Variants in SDK1 observed in about 807,000 individuals in gnomAD.
SDK1 encodes protein sidekick-1.
A neutral mutation model predicts 245.5 loss-of-function variants in SDK1; 157 were observed. That is an observed-to-expected ratio of 0.64 (90% CI 0.56 to 0.73). The LOEUF is 0.73. Ranked by LOEUF, SDK1 falls within the 30% of genes least tolerant of loss-of-function variation. The pLI, the probability that SDK1 is intolerant of heterozygous loss-of-function variation, is 0.00. For synonymous variants in SDK1, 1,647 were observed against 1,278.5 expected, an observed-to-expected ratio of 1.29 and a Z score of -6.15; for missense variants, 3,583 against 3,002.3, an observed-to-expected ratio of 1.19 and a Z score of -4.52.
chr7:3,323,104 G>C (rs1779857454), intron 1 of SDK1, among the ~76,000 whole-genome samples: 1 of 152,088 alleles, frequency 6.6e-6, no homozygotes, highest in African/African-American at 2.4e-5. Flanking sequence ...ACCAGACCAG[G>C]TTTTGCCCTT....
chr7:3,973,984 C>T (rs182421101), intron 12 of SDK1, among the ~76,000 whole-genome samples: 1 of 151,938 alleles, frequency 6.6e-6, no homozygotes, highest in African/African-American at 2.4e-5. Context: ...GAGTTTGAGA[C>T]TAGCCTGGGC....
At chr7:3,960,553 T>A (rs1433215815) in intron 8 of SDK1, among the ~76,000 whole-genome samples, 1 of 152,120 alleles carries the variant, frequency 6.6e-6, no homozygotes, top group Non-Finnish European at 1.5e-5. Context: ...GTCCTGGTGG[T>A]AGAGGGAAAG....
chr7:3,600,064 G>A (rs1437896085), intron 1 of SDK1, among the ~76,000 whole-genome samples: 2 of 152,102 alleles, frequency 1.3e-5, no homozygotes, highest in African/African-American at 2.4e-5. Context: ...TATGGACATG[G>A]TGTGTCTCCT....
intron 1 of SDK1, among the ~76,000 whole-genome samples, chr7:3,371,071 A>G (rs914882046): frequency 6.6e-6 from 1 of 152,210 alleles, no homozygotes; most frequent in South Asian, 2.1e-4. Flanking sequence ...CGTGTACAAC[A>G]TATGATACAT....
chr7:3,932,133 G>A (rs1314812330), intron 5 of SDK1, among the ~76,000 whole-genome samples: 2 of 152,102 alleles, frequency 1.3e-5, no homozygotes, highest in Non-Finnish European at 2.9e-5. Context: ...ATGGAATTAG[G>A]ACTTCATTTT....
rs141528956 is a variant in SDK1 at position 3,596,882 on chromosome 7, G to A, written c.299-22198G>A. Among the ~76,000 whole-genome samples the A allele has an allele frequency of 3.7e-3, 560 of 152,210 alleles. 14 individuals carry two copies. The highest frequency in any genetic ancestry group is 0.034 in the Admixed American group (524 of 15,300). ...CATAAAAGATAGAAGTGAGGTACAG[G>A]TACAGAAACAGCTAGATTGGTTACA... On this transcript the variant is annotated intron_variant, in intron 1 of 44. Coordinates refer to ENST00000404826, the MANE Select transcript of SDK1 (RefSeq NM_152744.4).
At chr7:3,800,372 T>TATTTATTTATTC (rs1779077470) in intron 4 of SDK1, among the ~76,000 whole-genome samples, 1 of 148,598 alleles carries the variant, frequency 6.7e-6, no homozygotes, top group Non-Finnish European at 1.5e-5. Context: ...CTTACTTACT[T>TATTTATTTATTC]ATTTATTTAT....
chr7:3,699,790 T>C (rs138098624), intron 4 of SDK1, among the ~76,000 whole-genome samples: 1 of 152,268 alleles, frequency 6.6e-6, no homozygotes, highest in East Asian at 1.9e-4. Context: ...TGAAGAATTG[T>C]TCAAAGAAAT....
intron 4 of SDK1, among the ~76,000 whole-genome samples, chr7:3,789,943 C>T (rs901296741): frequency 2.6e-5 from 4 of 152,104 alleles, no homozygotes; most frequent in Non-Finnish European, 5.9e-5. Flanking sequence ...GGGCAAGTGG[C>T]AGGAGTGGTG....
intron 1 of SDK1, among the ~76,000 whole-genome samples, chr7:3,346,870 T>G (rs1780522449): frequency 7.4e-6 from 1 of 135,154 alleles, no homozygotes; most frequent in East Asian, 2.2e-4. Context: ...AGTGTTTTGC[T>G]ATGTTGCCCA....
chr7:3,541,911 TAAGAG>T (rs1266327236), intron 1 of SDK1, among the ~76,000 whole-genome samples: 6 of 152,226 alleles, frequency 3.9e-5, no homozygotes, highest in Non-Finnish European at 5.9e-5. Context: ...TAAAATTCTT[TAAGAG>T]AAGAAGGACT....
intron 42 of SDK1, among the ~76,000 whole-genome samples, chr7:4,241,401 G>A (rs1280119681): frequency 1.3e-5 from 2 of 152,126 alleles, no homozygotes; most frequent in Admixed American, 1.3e-4. Flanking sequence ...TTGAGAGGCC[G>A]AGGTGGAAGG....
In SDK1 at chr7:3,328,773, T is replaced by C. The variant is rs557775369; in HGVS notation, c.298+26889T>C. Among the ~76,000 whole-genome samples the C allele has an allele frequency of 3.3e-5, 5 of 152,288 alleles. No individual in the cohort carries two copies. The East Asian group carries it at 9.6e-4, about 29-fold the overall frequency. On this transcript the variant is annotated intron_variant, in intron 1 of 44. Coordinates refer to ENST00000404826, the MANE Select transcript of SDK1 (RefSeq NM_152744.4). ...ACACATAGATCTATTCTCCTTTTAGTGACTGAAGTATTCCACATGGACTAT... is the reference window on the plus strand; with the variant it reads ...ACACATAGATCTATTCTCCTTTTAGCGACTGAAGTATTCCACATGGACTAT...
intron 1 of SDK1, among the ~76,000 whole-genome samples, chr7:3,562,467 G>T (rs1168305586): frequency 6.6e-6 from 1 of 152,096 alleles, no homozygotes; most frequent in Non-Finnish European, 1.5e-5. Context: ...AAGCTAGAGG[G>T]ATGCATGGGT....
At chr7:3,944,781 G>A (rs571834454) in intron 5 of SDK1, among the ~76,000 whole-genome samples, 1 of 152,290 alleles carries the variant, frequency 6.6e-6, no homozygotes, top group Admixed American at 6.5e-5. Context: ...CAAAAAGAAA[G>A]GGAGAGGAGC....
intron 14 of SDK1, among the ~76,000 whole-genome samples, chr7:4,002,273 C>T (rs61469309): frequency 0.29 from 44,398 of 152,064 alleles, 6,886 homozygotes; most frequent in African/African-American, 0.39. Context: ...TGGCTCAGAG[C>T]AGGAGTGGGT....
At chr7:3,395,946 AC>A (rs1414440036) in intron 1 of SDK1, among the ~76,000 whole-genome samples, 1 of 151,562 alleles carries the variant, frequency 6.6e-6, no homozygotes, top group Non-Finnish European at 1.5e-5. Context: ...TTTCTGTTTT[AC>A]ATTTCTTTAA....
At chr7:4,057,101 G>A (rs576448609) in intron 19 of SDK1, among the ~76,000 whole-genome samples, 60 of 152,302 alleles carry the variant, frequency 3.9e-4, no homozygotes, top group Non-Finnish European at 5.6e-4. Context: ...TGCCACCTGG[G>A]TCTGAAGCAC....
At chr7:3,699,406 C>T (rs767375198) in intron 4 of SDK1, among the ~76,000 whole-genome samples, 29 of 152,016 alleles carry the variant, frequency 1.9e-4, no homozygotes, top group Non-Finnish European at 3.4e-4. Flanking sequence ...GCCATTTCAT[C>T]AAAGCAATCG....
Sources: gnomAD v4.1 joint callset for allele counts (sites outside exome capture counted in the v4.1 genomes callset) on GRCh38, gnomAD v4.1.1 for gene constraint, MANE v1.5 for transcripts, NCBI Gene and HGNC (gene_info 2026-07-23, HGNC 2026-07-21) for gene names.